The following DNMT1 variants were observed in gnomAD, a reference collection of about 807,000 sequenced individuals.
The protein encoded by DNMT1 is DNA methyltransferase 1, also known as DNA (cytosine-5)-methyltransferase 1.
A neutral mutation model predicts 205.3 loss-of-function variants in DNMT1; 24 were observed. That is an observed-to-expected ratio of 0.12 (90% confidence interval 0.08 to 0.16). DNMT1 has a LOEUF of 0.16. DNMT1 is among the 10% of genes least tolerant of loss of function. DNMT1 has a pLI of 1.00. For missense variants in DNMT1, 1,293 were observed against 2,177.7 expected, an observed-to-expected ratio of 0.59 and a Z score of 8.09; for synonymous variants, 817 against 839.8, an observed-to-expected ratio of 0.97 and a Z score of 0.47.
chr19:10,134,933 C>A (rs2089444470), intron 39 of DNMT1, among the ~76,000 whole-genome samples: 1 of 141,428 alleles, frequency 7.1e-6, no homozygotes, highest in African/African-American at 2.6e-5. Flanking sequence ...GCTTCCCTGG[C>A]CGGCGCAGTG....
Position 10,151,857 on chromosome 19 carries a change from G to A in DNMT1, c.2020-10C>T, listed in dbSNP as rs369373339. The A allele has an allele frequency of 3.7e-4, 590 of 1,613,658 alleles. No homozygotes were observed. The highest frequency in any genetic ancestry group is 4.8e-4 in the Non-Finnish European group (563 of 1,179,888). ...CAGGCTGCTGACACACCTAAAAAAT[G>A]GCATTAAAAAGGCAAATCAGGGCTG... On this transcript the variant is annotated splice_polypyrimidine_tract_variant and intron_variant, in intron 22 of 40. Transcript: ENST00000359526. This position sits in a 1 kb window ranked among gnomAD's most constrained non-coding sequence, Gnocchi z 5.0.
intron 29 of DNMT1, among the ~76,000 whole-genome samples, chr19:10,142,639 G>T (rs538972059): frequency 6.8e-6 from 1 of 147,654 alleles, no homozygotes; most frequent in Non-Finnish European, 1.5e-5. Flanking sequence ...GTTGGGAACC[G>T]CAGGGTAAAG....
chr19:10,154,777 G>C lies in DNMT1; in HGVS notation c.1645-4C>G, dbSNP rs767181209. ...GGCCAGAAGGAGGAACCGTGGTCTT[G>C]AAAGAGAACAGGTTTCTCTCATGCT... On this transcript the variant is annotated splice_polypyrimidine_tract_variant and splice_region_variant and intron_variant, in intron 20 of 40. Coordinates refer to ENST00000359526, the MANE Select transcript of DNMT1 (RefSeq NM_001130823.3). This position sits in a 1 kb window ranked among gnomAD's most constrained non-coding sequence, Gnocchi z 6.3. The C allele has an allele frequency of 6.2e-7, 1 of 1,614,220 alleles. No individual in the cohort carries two copies. The highest frequency in any genetic ancestry group is 1.7e-5 in the Admixed American group (1 of 60,018).
intron 40 of DNMT1, 83 bp downstream of exon 40, chr19:10,134,134 A>T: frequency 6.6e-7 from 1 of 1,508,414 alleles, no homozygotes; most frequent in Middle Eastern, 1.7e-4. Flanking sequence ...CCCAGAGCCC[A>T]AAACGGTGGC....
At chr19:10,153,298 G>C (rs1034580552) in intron 22 of DNMT1, among the ~76,000 whole-genome samples, 1 of 152,102 alleles carries the variant, frequency 6.6e-6, no homozygotes, top group African/African-American at 2.4e-5. Flanking sequence ...GAAATAACTA[G>C]ATCTACCAGT....
intron 27 of DNMT1, among the ~76,000 whole-genome samples, chr19:10,148,145 AAAT>A (rs1389044614): frequency 6.7e-6 from 1 of 148,338 alleles, no homozygotes; most frequent in Non-Finnish European, 1.5e-5. Flanking sequence ...AAAATTAAAA[AAAT>A]AATAATAAAA....
chr19:10,154,259 T>C lies in DNMT1; in HGVS notation c.2019+34A>G. On this transcript the variant is annotated intron_variant, in intron 22 of 40. Transcript: ENST00000359526. This position sits in a 1 kb window ranked among gnomAD's most constrained non-coding sequence, Gnocchi z 6.3. ...AGATCAGGCCAGAGGCTGGGCCACC[T>C]TAGGGGAGCGGGAGCACCCACAGGT... 6.2e-7 allele frequency: 1 copy of C among 1,612,196 alleles called. No homozygotes were observed. Among genetic ancestry groups the C allele is most frequent in the Non-Finnish European group, 8.5e-7 (1 of 1,178,480 alleles).
intron 1 of DNMT1, among the ~76,000 whole-genome samples, chr19:10,190,972 G>A (rs1200801189): frequency 6.6e-6 from 1 of 151,914 alleles, no homozygotes; most frequent in Non-Finnish European, 1.5e-5. Flanking sequence ...AATTACCTGG[G>A]CTTGGTGGCG....
At chr19:10,161,356 A>C (rs1265485273) in intron 13 of DNMT1, among the ~76,000 whole-genome samples, 1 of 151,100 alleles carries the variant, frequency 6.6e-6, no homozygotes, top group African/African-American at 2.5e-5. Flanking sequence ...TAAATAAATA[A>C]ATAAATAACT....
chr19:10,141,891 CTTCACG>C, intron 30 of DNMT1, 131 bp downstream of exon 30: 1 of 1,023,842 alleles, frequency 9.8e-7, no homozygotes, highest in South Asian at 1.6e-5. Flanking sequence ...TGCAGAACAG[CTTCACG>C]TCAGCCAACC....
intron 7 of DNMT1, among the ~76,000 whole-genome samples, chr19:10,174,979 C>A (rs1203219758): frequency 6.6e-6 from 1 of 150,588 alleles, no homozygotes; most frequent in African/African-American, 2.4e-5. Flanking sequence ...CACTTGAACC[C>A]GGGAGGCTGA....
intron 24 of DNMT1, among the ~76,000 whole-genome samples, chr19:10,150,494 C>A (rs1360198937): frequency 1.3e-5 from 2 of 152,210 alleles, no homozygotes; most frequent in African/African-American, 2.4e-5. Flanking sequence ...CTCCTCCCAG[C>A]CCCCTACCCT....
rs1224343919 is a variant in DNMT1 at position 10,194,836 on chromosome 19, C to T, written c.64G>A (p.Asp22Asn). ...GGTACCTACCGCCTGCGGACATCGT[C>T]GGGCAGCGAGATGGCCGGGACGGCC... ...TLAVPAISLPDDVRRRLKDLE... is the reference protein window; with the variant it reads ...TLAVPAISLPNDVRRRLKDLE... The change falls in exon 1 of 41, where the codon GAC becomes AAC. Residue 22 changes from aspartate (D) to asparagine (N), a missense_variant. This residue lies in a region of DNMT1 where 394 missense variants were observed against 451.6 expected (regional missense o/e 0.87). Transcript: ENST00000359526. The T allele has an allele frequency of 2.5e-6, 4 of 1,611,726 alleles. No homozygotes were observed. Among genetic ancestry groups the T allele is most frequent in the Non-Finnish European group, 3.4e-6 (4 of 1,179,266 alleles).
chr19:10,163,590 A>G (rs534690742), intron 11 of DNMT1, among the ~76,000 whole-genome samples: 301 of 152,264 alleles, frequency 2.0e-3, no homozygotes, highest in African/African-American at 6.9e-3. Flanking sequence ...AACCTCCTAG[A>G]CCAGGGCTTG....
intron 40 of DNMT1, 56 bp downstream of exon 40, chr19:10,134,161 A>T (rs1252953680): frequency 6.3e-7 from 1 of 1,593,100 alleles, no homozygotes; most frequent in Non-Finnish European, 8.6e-7. Flanking sequence ...CTGCCCCCAC[A>T]TGTACCCCCA....
At chr19:10,135,556 C>G in intron 39 of DNMT1, 180 bp downstream of exon 39, 1 of 671,884 alleles carries the variant, frequency 1.5e-6, no homozygotes, top group Non-Finnish European at 2.6e-6. Flanking sequence ...AGGGACGCAG[C>G]CTGACTCGGA....
At chr19:10,180,650 T>C in intron 3 of DNMT1, 81 bp from the exon 4 acceptor site, 1 of 1,415,314 alleles carries the variant, frequency 7.1e-7, no homozygotes, top group Non-Finnish European at 9.9e-7. Context: ...GTTTCCTTCA[T>C]CATCATCATC....
chr19:10,160,366 T>C lies in DNMT1; in HGVS notation c.1043+18A>G. On this transcript the variant is annotated intron_variant, in intron 14 of 40. Transcript: ENST00000359526. ...ACATTACCATCTGCTTTCGATAATGTCAAGAATAAATTCTTACGGTTCTTT... is the reference window on the plus strand; with the variant it reads ...ACATTACCATCTGCTTTCGATAATGCCAAGAATAAATTCTTACGGTTCTTT... 1 of 1,614,162 alleles carries C rather than the reference T, an allele frequency of 6.2e-7. No homozygotes were observed. Among genetic ancestry groups the C allele is most frequent in the Non-Finnish European group, 8.5e-7 (1 of 1,179,992 alleles).
intron 11 of DNMT1, 133 bp from the exon 12 acceptor site, chr19:10,163,493 A>G: frequency 1.1e-6 from 1 of 888,884 alleles, no homozygotes; most frequent in South Asian, 1.4e-5. Context: ...GAAGACAGGC[A>G]GGCCTGGGCA....
Sources: gnomAD v4.1 joint callset for allele counts (sites outside exome capture counted in the v4.1 genomes callset) on GRCh38, gnomAD v4.1.1 for gene constraint, gnomAD v4.1.1 regional missense constraint, Gnocchi (gnomAD v3.1) non-coding constraint, MANE v1.5 for transcripts, NCBI Gene and HGNC (gene_info 2026-07-23, HGNC 2026-07-21) for gene names.